Variants in ARID5B observed in about 807,000 individuals in gnomAD.
ARID5B encodes the protein AT-rich interaction domain 5B.
Under a neutral mutation model 97.2 loss-of-function variants are expected in ARID5B, and 13 were observed. The ratio of observed to expected loss-of-function variants is 0.13; its 90% CI spans 0.09 to 0.21. ARID5B has a LOEUF of 0.21. Ranked by LOEUF, ARID5B falls within the 10% of genes least tolerant of loss-of-function variation. The pLI, the probability that ARID5B is intolerant of heterozygous loss-of-function variation, is 1.00. For synonymous variants in ARID5B, 556 were observed against 570.3 expected (o/e 0.97, Z 0.36); for missense variants, 1,210 against 1,465.3 (o/e 0.83, Z 2.84).
intron 7 of ARID5B, among the ~76,000 whole-genome samples, chr10:62,069,282 C>A (rs191209864): frequency 4.6e-5 from 7 of 152,204 alleles, no homozygotes; most frequent in Non-Finnish European, 7.3e-5. Flanking sequence ...CCCGGTTCCC[C>A]ATTTCCACAT....
chr10:62,055,747 G>A (rs1839847860), intron 5 of ARID5B, among the ~76,000 whole-genome samples: 1 of 152,146 alleles, frequency 6.6e-6, no homozygotes, highest in Non-Finnish European at 1.5e-5. Flanking sequence ...ATCTTTGCAG[G>A]ACCAGTCGAA....
chr10:61,972,225 CTTTT>C (rs71022106), intron 3 of ARID5B, among the ~76,000 whole-genome samples: 1 of 112,696 alleles, frequency 8.9e-6, no homozygotes. Context: ...TTATATCATG[CTTTT>C]TTTTTTTTTT....
chr10:61,968,213 CAA>C lies in ARID5B; in HGVS notation c.502+27807_502+27808del, dbSNP rs1554841204. 8.2e-3 allele frequency among the ~76,000 whole-genome samples: 1,224 copies of C among 148,848 alleles called. 25 individuals are homozygous for C. Among genetic ancestry groups the C allele is most frequent in the African/African-American group, 0.029 (1,172 of 40,120 alleles). On this transcript the variant is annotated intron_variant, in intron 3 of 9. Transcript: ENST00000279873. ...ACACACACACACACACACACACACA[CAA>C]ACACAGTTTCACCAGGCAGTACTTA...
intron 7 of ARID5B, among the ~76,000 whole-genome samples, chr10:62,060,872 G>A (rs553622720): frequency 1.3e-5 from 2 of 152,270 alleles, no homozygotes; most frequent in Admixed American, 1.3e-4. Flanking sequence ...CAATTTCACA[G>A]AATCAGTTTT....
intron 3 of ARID5B, among the ~76,000 whole-genome samples, chr10:61,963,089 A>G (rs1009916210): frequency 6.6e-6 from 1 of 152,206 alleles, no homozygotes; most frequent in African/African-American, 2.4e-5. Flanking sequence ...ATTAGGGCCA[A>G]TGAGAGTGTC....
At chr10:61,948,811 GCATC>G (rs1309084204) in intron 3 of ARID5B, among the ~76,000 whole-genome samples, 1 of 152,128 alleles carries the variant, frequency 6.6e-6, no homozygotes, top group Non-Finnish European at 1.5e-5. Context: ...AGCTGGCTTG[GCATC>G]CTCCAGATAC....
intron 3 of ARID5B, among the ~76,000 whole-genome samples, chr10:61,944,452 A>T (rs893425838): frequency 1.4e-4 from 22 of 152,246 alleles, no homozygotes; most frequent in Admixed American, 1.2e-3. Context: ...GTAAGTAAGG[A>T]ATATAAACAC....
chr10:61,919,398 G>A (rs2132768000), intron 2 of ARID5B, among the ~76,000 whole-genome samples: 1 of 152,308 alleles, frequency 6.6e-6, no homozygotes, highest in Admixed American at 6.5e-5. Context: ...GCTCATGGTA[G>A]AGGGTGTATT....
intron 7 of ARID5B, among the ~76,000 whole-genome samples, chr10:62,066,147 A>G (rs1477144448): frequency 6.6e-6 from 1 of 152,236 alleles, no homozygotes; most frequent in East Asian, 1.9e-4. Context: ...ATTAGGCACA[A>G]TTAAAGCATG....
intron 2 of ARID5B, among the ~76,000 whole-genome samples, chr10:61,934,506 C>CT (rs1426561787): frequency 6.6e-6 from 1 of 152,154 alleles, no homozygotes; most frequent in Non-Finnish European, 1.5e-5. Context: ...GGGACTCCTA[C>CT]TTTCACTTGA....
intron 5 of ARID5B, among the ~76,000 whole-genome samples, chr10:62,054,798 C>T (rs1195488851): frequency 6.6e-6 from 1 of 152,206 alleles, no homozygotes. Flanking sequence ...GAGAGATCTA[C>T]TCCTTTATGT....
chr10:62,059,673 A>G (rs1839898376), intron 7 of ARID5B, among the ~76,000 whole-genome samples: 1 of 152,208 alleles, frequency 6.6e-6, no homozygotes, highest in African/African-American at 2.4e-5. Context: ...AATGTATTAA[A>G]GGCTTTCAAA....
intron 4 of ARID5B, among the ~76,000 whole-genome samples, chr10:62,027,951 A>C (rs1409744241): frequency 6.6e-6 from 1 of 152,068 alleles, no homozygotes; most frequent in Non-Finnish European, 1.5e-5. Flanking sequence ...CCAAAACCTC[A>C]GCTTTATGGG....
intron 3 of ARID5B, among the ~76,000 whole-genome samples, chr10:61,958,847 C>T (rs1443354041): frequency 6.6e-6 from 1 of 152,140 alleles, no homozygotes; most frequent in Admixed American, 6.5e-5. Context: ...TTGTATATTC[C>T]TTGTCAAAAT....
At chr10:61,947,225 A>C (rs1838250699) in intron 3 of ARID5B, among the ~76,000 whole-genome samples, 1 of 150,932 alleles carries the variant, frequency 6.6e-6, no homozygotes, top group African/African-American at 2.4e-5. Context: ...AGAGTTTTAG[A>C]ACAGCTTATT....
intron 2 of ARID5B, among the ~76,000 whole-genome samples, chr10:61,935,203 A>G (rs1007746930): frequency 6.6e-5 from 10 of 152,118 alleles, no homozygotes; most frequent in East Asian, 1.9e-4. Flanking sequence ...AAAAAATGCA[A>G]TATCTGTGAA....
intron 4 of ARID5B, among the ~76,000 whole-genome samples, chr10:62,036,473 G>A (rs76146614): frequency 0.021 from 3,206 of 152,270 alleles, 95 homozygotes; most frequent in African/African-American, 0.072. Context: ...TTTGCTGCTA[G>A]TACCTCACAT....
chr10:61,910,430 A>G (rs1366259802), intron 2 of ARID5B, among the ~76,000 whole-genome samples: 1 of 152,238 alleles, frequency 6.6e-6, no homozygotes, highest in African/African-American at 2.4e-5. Context: ...TTGGCTTTTA[A>G]GGAAATTTAA....
At chr10:61,926,831 G>A (rs888339793) in intron 2 of ARID5B, among the ~76,000 whole-genome samples, 2 of 151,986 alleles carry the variant, frequency 1.3e-5, no homozygotes, top group Non-Finnish European at 2.9e-5. Flanking sequence ...TCATCGTGTT[G>A]GCCAGGATGG....
Sources: allele counts gnomAD v4.1 joint callset (sites outside exome capture counted in the v4.1 genomes callset), GRCh38; gene constraint gnomAD v4.1.1; transcripts MANE v1.5; gene names NCBI Gene and HGNC (gene_info 2026-07-23, HGNC 2026-07-21).